Variants in RILPL2 observed in about 807,000 individuals in gnomAD.
RILPL2 encodes Rab interacting lysosomal protein like 2.
A neutral mutation model predicts 22.2 loss-of-function variants in RILPL2; 19 were observed. The observed-to-expected ratio is 0.86, with a 90% confidence interval of 0.60 to 1.25. The LOEUF (loss-of-function observed/expected upper bound fraction) is 1.25, where lower values mean the gene tolerates loss of function less well. Ranked by LOEUF, RILPL2 falls within the 50% of genes most tolerant of loss-of-function variation. RILPL2 has a pLI of 0.00. For synonymous variants in RILPL2, 123 were observed against 111.6 expected, an observed-to-expected ratio of 1.10 and a Z score of -0.64; for missense variants, 243 against 263.6, an observed-to-expected ratio of 0.92 and a Z score of 0.54.
chr12:123,424,331 ATTTT>A (rs56046247), intron 2 of RILPL2, among the ~76,000 whole-genome samples: 1 of 135,170 alleles, frequency 7.4e-6, no homozygotes. Flanking sequence ...TAAGAGTTAG[ATTTT>A]TTTTTTTTTT....
At chr12:123,416,310 C>T (rs1390187030) in intron 3 of RILPL2, among the ~76,000 whole-genome samples, 1 of 142,848 alleles carries the variant, frequency 7.0e-6, no homozygotes, top group Non-Finnish European at 1.5e-5. Flanking sequence ...GGCGACAGAG[C>T]AAGACACTAT....
Position 123,423,040 on chromosome 12 carries a change from T to A in RILPL2, c.605+4A>T. ...GGACCGGGGGGCAGCAAGGTGACAC[T>A]TACAGCTTTTTTATGATTGTCTTCT... On this transcript the variant is annotated splice_donor_region_variant and intron_variant, in intron 3 of 3. Transcript: ENST00000280571. 1 of 1,604,868 alleles carries A rather than the reference T, an allele frequency of 6.2e-7. No homozygotes were observed. Among genetic ancestry groups the A allele is most frequent in the Non-Finnish European group, 8.5e-7 (1 of 1,172,020 alleles).
In RILPL2 at chr12:123,425,040, C is replaced by T. The variant is rs557802853; in HGVS notation, c.492-1883G>A. Among the ~76,000 whole-genome samples the T allele has an allele frequency of 1.2e-3, 188 of 151,714 alleles. 2 individuals carry two copies. Among genetic ancestry groups the T allele is most frequent in the African/African-American group, 4.3e-3 (178 of 41,380 alleles). ...GACTACAGGCGTCCGCCACCACGCC[C>T]GGCTAATTTTTTGTATTTTTAGTAG... On this transcript the variant is annotated intron_variant, in intron 2 of 3. Transcript: ENST00000280571.
chr12:123,417,315 A>G (rs1182484483), intron 3 of RILPL2, among the ~76,000 whole-genome samples: 1 of 151,506 alleles, frequency 6.6e-6, no homozygotes, highest in African/African-American at 2.4e-5. Flanking sequence ...AAAAAAAGGA[A>G]AAAAGAAACA....
intron 2 of RILPL2, 36 bp downstream of exon 2, chr12:123,430,472 G>A (rs1159600637): frequency 1.3e-6 from 2 of 1,552,840 alleles, no homozygotes; most frequent in Non-Finnish European, 1.7e-6. Context: ...TCTGGGCCAG[G>A]TCTGGGTGCA....
intron 1 of RILPL2, among the ~76,000 whole-genome samples, chr12:123,434,607 T>C (rs1366864633): frequency 6.6e-6 from 1 of 151,784 alleles, no homozygotes; most frequent in African/African-American, 2.4e-5. Context: ...TCTGTAGTTT[T>C]AGTAGAGATA....
At chr12:123,416,768 G>A (rs1879130247) in intron 3 of RILPL2, among the ~76,000 whole-genome samples, 1 of 152,214 alleles carries the variant, frequency 6.6e-6, no homozygotes, top group Non-Finnish European at 1.5e-5. Flanking sequence ...ATGTCCTCAG[G>A]CTAGCTCATG....
At chr12:123,423,200 A>G in intron 2 of RILPL2, 43 bp from the exon 3 acceptor site, 1 of 1,067,912 alleles carries the variant, frequency 9.4e-7, no homozygotes, top group South Asian at 1.6e-5. Flanking sequence ...TTTATTACAG[A>G]TCGTTTTTTT....
chr12:123,416,854 G>A (rs917778672), intron 3 of RILPL2, among the ~76,000 whole-genome samples: 2 of 152,162 alleles, frequency 1.3e-5, no homozygotes, highest in African/African-American at 4.8e-5. Flanking sequence ...GTAGAAGGAC[G>A]CTGAAAGAAA....
At chr12:123,429,369 C>T (rs1319539785) in intron 2 of RILPL2, among the ~76,000 whole-genome samples, 1 of 152,168 alleles carries the variant, frequency 6.6e-6, no homozygotes, top group Non-Finnish European at 1.5e-5. Context: ...GATCTCGGCT[C>T]ACTGCAACCT....
At chr12:123,418,202 C>CT (rs1879173508) in intron 3 of RILPL2, among the ~76,000 whole-genome samples, 1 of 152,214 alleles carries the variant, frequency 6.6e-6, no homozygotes, top group Non-Finnish European at 1.5e-5. Flanking sequence ...TCCCAAAGTG[C>CT]TGGGATTACA....
chr12:123,418,350 C>T (rs954513837), intron 3 of RILPL2, among the ~76,000 whole-genome samples: 15 of 152,250 alleles, frequency 9.9e-5, no homozygotes, highest in South Asian at 8.3e-4. Flanking sequence ...TTTTTTCCCA[C>T]TGCTGTGATA....
chr12:123,428,293 C>G (rs992590383), intron 2 of RILPL2, among the ~76,000 whole-genome samples: 19 of 152,254 alleles, frequency 1.2e-4, no homozygotes, highest in African/African-American at 4.3e-4. Context: ...CCCGCCACCA[C>G]GCCTGGCTAA....
chr12:123,430,099 CAAA>C (rs59871132), intron 2 of RILPL2, among the ~76,000 whole-genome samples: 4 of 18,788 alleles, frequency 2.1e-4, no homozygotes, highest in African/African-American at 5.5e-4. Flanking sequence ...GTGAGACCCT[CAAA>C]AAAAAAAAAA....
chr12:123,429,186 T>C (rs964170267), intron 2 of RILPL2, among the ~76,000 whole-genome samples: 7 of 152,076 alleles, frequency 4.6e-5, no homozygotes, highest in African/African-American at 1.7e-4. Flanking sequence ...GACAGGGTCT[T>C]GCTATGTTGC....
Position 123,436,603 on chromosome 12 carries a change from C to T in RILPL2, c.-183G>A, listed in dbSNP as rs892157548. 2 of 979,952 alleles carry T rather than the reference C, an allele frequency of 2.0e-6. No homozygotes were observed. Among genetic ancestry groups the T allele is most frequent in the Non-Finnish European group, 2.9e-6 (2 of 686,232 alleles). The allele number at this position is 979,952 out of a possible 1,614,324, so 60.7% of individuals were successfully genotyped here. The stretch of plus-strand genomic sequence containing the variant: ...CGCACGCGACTCTTGGGCCTGCGCC[C>T]CGGCGCACCGTCCCCGCTGCCAGCC... On this transcript the variant is annotated 5_prime_UTR_variant, in exon 1 of 4. Coordinates refer to ENST00000280571, the MANE Select transcript of RILPL2 (RefSeq NM_145058.3). The surrounding 1 kb of genome is among the most constrained non-coding windows in gnomAD (Gnocchi z 6.7).
chr12:123,416,628 A>C (rs1879127404), intron 3 of RILPL2, among the ~76,000 whole-genome samples: 1 of 152,228 alleles, frequency 6.6e-6, no homozygotes, highest in Non-Finnish European at 1.5e-5. Context: ...TGACAGATTG[A>C]GACTCCGTCT....
chr12:123,429,201 G>A (rs1312169883), intron 2 of RILPL2, among the ~76,000 whole-genome samples: 1 of 151,936 alleles, frequency 6.6e-6, no homozygotes, highest in Non-Finnish European at 1.5e-5. Context: ...TGTTGCCCAG[G>A]CTGGCCTTGA....
rs191712654 is a variant in RILPL2 at position 123,424,821 on chromosome 12, C to T, written c.492-1664G>A. ...GTAAATTTACCCCCATGGTGTTGTC[C>T]CCTTGCTGTGGACTGAATTGTGTGT... is the stretch of plus-strand genomic sequence containing the variant. On this transcript the variant is annotated intron_variant, in intron 2 of 3. Transcript: ENST00000280571. 2.0e-5 allele frequency among the ~76,000 whole-genome samples: 3 copies of T among 151,908 alleles called. No homozygotes were observed. The East Asian group carries it at 5.8e-4, about 29-fold the overall frequency.
Sources: allele counts gnomAD v4.1 joint callset (sites outside exome capture counted in the v4.1 genomes callset), GRCh38; gene constraint gnomAD v4.1.1; non-coding constraint Gnocchi (gnomAD v3.1); transcripts MANE v1.5; gene names NCBI Gene and HGNC (gene_info 2026-07-23, HGNC 2026-07-21).